The following ST8SIA6 variants were observed in gnomAD, a reference collection of about 807,000 sequenced individuals.
The protein encoded by ST8SIA6 is alpha-2,8-sialyltransferase 8F.
In ST8SIA6, 39 loss-of-function variants were observed where a neutral mutation model predicts 33.6. That is an observed-to-expected ratio of 1.16 (90% CI 0.90 to 1.52). The LOEUF is 1.52. Among genes scored for constraint, ST8SIA6 ranks in the 40% most tolerant of loss-of-function variants. ST8SIA6 has a pLI of 0.00. For synonymous variants in ST8SIA6, 172 were observed against 167.2 expected (o/e 1.03, Z -0.22); for missense variants, 441 against 443.8 (o/e 0.99, Z 0.06).
chr10:17,453,764 G>C, intron 1 of ST8SIA6, 107 bp from the exon 2 acceptor site: 1 of 865,262 alleles, frequency 1.2e-6, no homozygotes, highest in Non-Finnish European at 1.6e-6. Context: ...CGCACTCCCC[G>C]GCTCCCAGGC....
At chr10:17,417,145 TAGAG>T (rs147468456) in intron 2 of ST8SIA6, among the ~76,000 whole-genome samples, 3 of 150,002 alleles carry the variant, frequency 2.0e-5, no homozygotes, top group African/African-American at 4.9e-5. Context: ...ATCACATGGA[TAGAG>T]AGAGAGAGAG....
rs1320419792 is a variant in ST8SIA6 at position 17,454,109 on chromosome 10, GGCGGGGCGCGCGGC to G, written c.101+32_101+45del. Reference sequence around the variant, plus strand: ...GCGGCTTGGGGGTCCGGGGGCGCCAGGCGGGGCGCGCGGCGCGGGGCGCGGCCGGCGGGTGGGTG... The same window carrying G: ...GCGGCTTGGGGGTCCGGGGGCGCCAGGCGGGGCGCGGCCGGCGGGTGGGTG... On this transcript the variant is annotated intron_variant, in intron 1 of 7. Transcript: ENST00000377602. The surrounding 1 kb of genome is among the most constrained non-coding windows in gnomAD (Gnocchi z 4.1). 6 of 258,590 alleles carry G rather than the reference GGCGGGGCGCGCGGC, an allele frequency of 2.3e-5. No individual in the cohort carries two copies. The highest frequency in any genetic ancestry group is 1.1e-4 in the Admixed American group (2 of 18,344). The allele number at this position is 258,590 out of a possible 1,614,324, so 16.0% of individuals were successfully genotyped here. A position where few individuals can be genotyped will look rare whatever the true frequency, so the allele number is the denominator to read the frequency against.
chr10:17,360,305 T>C (rs1266240942), intron 3 of ST8SIA6, among the ~76,000 whole-genome samples: 1 of 152,124 alleles, frequency 6.6e-6, no homozygotes, highest in Non-Finnish European at 1.5e-5. Flanking sequence ...TAGTAACTTA[T>C]TCATTAGTTG....
At chr10:17,327,896 G>C (rs1157884469) in intron 5 of ST8SIA6, among the ~76,000 whole-genome samples, 1 of 151,968 alleles carries the variant, frequency 6.6e-6, no homozygotes, top group Non-Finnish European at 1.5e-5. Context: ...GACAGAGCAA[G>C]ACTCTGTTTC....
chr10:17,362,366 AT>A (rs1372543849), intron 3 of ST8SIA6, among the ~76,000 whole-genome samples: 8 of 152,208 alleles, frequency 5.3e-5, no homozygotes, highest in Non-Finnish European at 7.3e-5. Flanking sequence ...TAAAAATTAT[AT>A]TTTCAATGAT....
chr10:17,367,915 A>T (rs1306206441), intron 3 of ST8SIA6, among the ~76,000 whole-genome samples: 1 of 152,170 alleles, frequency 6.6e-6, no homozygotes, highest in African/African-American at 2.4e-5. Flanking sequence ...AATTGTCCGA[A>T]CACACATAAG....
chr10:17,368,407 C>CA (rs200826980), intron 3 of ST8SIA6, among the ~76,000 whole-genome samples: 2,254 of 71,878 alleles, frequency 0.031, 165 homozygotes, highest in Non-Finnish European at 0.041. Context: ...AGCTCTGTCT[C>CA]AAAAAAAAAA....
At chr10:17,442,238 C>T (rs1424442099) in intron 2 of ST8SIA6, among the ~76,000 whole-genome samples, 2 of 152,170 alleles carry the variant, frequency 1.3e-5, no homozygotes, top group African/African-American at 4.8e-5. Context: ...TGGAAGAAAC[C>T]TTATACAGTG....
chr10:17,398,293 C>T (rs1441859654), intron 2 of ST8SIA6, among the ~76,000 whole-genome samples: 3 of 151,644 alleles, frequency 2.0e-5, no homozygotes, highest in African/African-American at 7.3e-5. Context: ...CACCATTGCA[C>T]TCCAGCCTGG....
At chr10:17,359,949 A>T (rs1849328547) in intron 3 of ST8SIA6, among the ~76,000 whole-genome samples, 1 of 152,184 alleles carries the variant, frequency 6.6e-6, no homozygotes. Flanking sequence ...TGCCATAAAT[A>T]TGTACTCAAT....
rs1358391784 is a variant in ST8SIA6, at chr10:17,402,136, C to T, written c.201-11516G>A. Among the ~76,000 whole-genome samples the T allele has an allele frequency of 5.3e-5, 8 of 152,300 alleles. No individual in the cohort carries two copies. The South Asian group carries it at 1.2e-3, about 24-fold the overall frequency. ...GGGCGAAGGATATGAACAGACACTT[C>T]TCAAAAGAAGACATTTATGCAGCCA... On this transcript the variant is annotated intron_variant, in intron 2 of 7. Coordinates refer to ENST00000377602, the MANE Select transcript of ST8SIA6 (RefSeq NM_001004470.3).
chr10:17,404,033 C>G (rs1224536262), intron 2 of ST8SIA6, among the ~76,000 whole-genome samples: 1 of 147,350 alleles, frequency 6.8e-6, no homozygotes, highest in Non-Finnish European at 1.5e-5. Flanking sequence ...CCACTGCACT[C>G]CAGCCTGGGT....
intron 2 of ST8SIA6, among the ~76,000 whole-genome samples, chr10:17,449,228 A>C (rs571919831): frequency 6.6e-6 from 1 of 152,058 alleles, no homozygotes; most frequent in Non-Finnish European, 1.5e-5. Context: ...AGTTGAAAAA[A>C]TAGAATATTT....
In ST8SIA6 at chr10:17,320,870, T is replaced by C; in HGVS notation, c.*8A>G. On this transcript the variant is annotated 3_prime_UTR_variant, in exon 8 of 8. Coordinates refer to ENST00000377602, the MANE Select transcript of ST8SIA6 (RefSeq NM_001004470.3). The stretch of plus-strand genomic sequence containing the variant: ...TATTAAAATTATTCCCATTTTAAGA[T>C]ACTTTGTTTAGGCGACTTCACATTT... 3 of 1,611,918 alleles carry C rather than the reference T, an allele frequency of 1.9e-6. No individual in the cohort carries two copies. Among genetic ancestry groups the C allele is most frequent in the Middle Eastern group, 1.7e-4 (1 of 6,050 alleles).
At chr10:17,350,645 C>A (rs964041893) in intron 4 of ST8SIA6, among the ~76,000 whole-genome samples, 30 of 145,124 alleles carry the variant, frequency 2.1e-4, no homozygotes, top group Non-Finnish European at 3.5e-4. Flanking sequence ...CAAATAGACA[C>A]CACCTTTTTT....
chr10:17,344,664 AT>A (rs1296342774), intron 4 of ST8SIA6, among the ~76,000 whole-genome samples: 1 of 152,212 alleles, frequency 6.6e-6, no homozygotes, highest in Admixed American at 6.5e-5. Context: ...ACCTTTGGAA[AT>A]TTTGGAAATT....
intron 4 of ST8SIA6, among the ~76,000 whole-genome samples, chr10:17,350,396 A>C (rs944894656): frequency 6.6e-6 from 1 of 152,198 alleles, no homozygotes; most frequent in Non-Finnish European, 1.5e-5. Context: ...GCTTCACACC[A>C]AAGGAGTAGT....
In ST8SIA6 at chr10:17,320,892, A is replaced by T; in HGVS notation, c.1183T>A (p.Cys395Ser). Residue 395 changes from cysteine (C) to serine (S), a missense_variant, in exon 8 of 8, where the codon TGT (cysteine) becomes AGT (serine). Transcript: ENST00000377602. The stretch of plus-strand genomic sequence containing the variant: ...AGATACTTTGTTTAGGCGACTTCAC[A>T]TTTGCTAAATTGCAGTTTGAGGATT... The part of the protein sequence containing the change: ...KGILKLQFSK[C>S]EVA 6.2e-7 allele frequency: 1 copy of T among 1,613,948 alleles called. No individual in the cohort carries two copies. Among genetic ancestry groups the T allele is most frequent in the South Asian group, 1.1e-5 (1 of 91,080 alleles).
intron 3 of ST8SIA6, among the ~76,000 whole-genome samples, chr10:17,369,995 T>G (rs907287371): frequency 2.1e-5 from 2 of 97,382 alleles, no homozygotes; most frequent in Non-Finnish European, 4.1e-5. Flanking sequence ...ATCACTGACT[T>G]TTTTTTTTTT....
Sources: allele counts gnomAD v4.1 joint callset (sites outside exome capture counted in the v4.1 genomes callset), GRCh38; gene constraint gnomAD v4.1.1; non-coding constraint Gnocchi (gnomAD v3.1); transcripts MANE v1.5; gene names NCBI Gene and HGNC (gene_info 2026-07-23, HGNC 2026-07-21).